The following PALM2AKAP2 variants were observed in gnomAD, a reference collection of about 807,000 sequenced individuals.
PALM2AKAP2 encodes the protein PALM2-AKAP2 fusion protein.
Under a neutral mutation model 71.5 loss-of-function variants are expected in PALM2AKAP2, and 37 were observed. That is an observed-to-expected ratio of 0.52 (90% confidence interval 0.40 to 0.68). PALM2AKAP2 has a LOEUF of 0.68. Ranked by LOEUF, PALM2AKAP2 falls within the 30% of genes least tolerant of loss-of-function variation. PALM2AKAP2 has a pLI of 0.00. For synonymous variants in PALM2AKAP2, 468 were observed against 478.8 expected, an observed-to-expected ratio of 0.98 and a Z score of 0.29; for missense variants, 1,224 against 1,191.8, an observed-to-expected ratio of 1.03 and a Z score of -0.40.
intron 6 of PALM2AKAP2, among the ~76,000 whole-genome samples, chr9:109,996,211 A>G (rs1832572463): frequency 6.6e-6 from 1 of 152,222 alleles, no homozygotes; most frequent in Non-Finnish European, 1.5e-5. Flanking sequence ...AATGTTAAAT[A>G]TGTTTCCAGC....
intron 1 of PALM2AKAP2, among the ~76,000 whole-genome samples, chr9:109,684,300 C>A (rs566364651): frequency 1.3e-5 from 2 of 152,306 alleles, no homozygotes; most frequent in East Asian, 3.9e-4. Flanking sequence ...TGGTGCTCAT[C>A]TCTGGCTATG....
intron 1 of PALM2AKAP2, among the ~76,000 whole-genome samples, chr9:110,050,071 A>G (rs1833680637): frequency 1.3e-5 from 2 of 152,204 alleles, no homozygotes; most frequent in South Asian, 4.1e-4. Context: ...TTGACATATC[A>G]CTACCCTTCC....
intron 3 of PALM2AKAP2, among the ~76,000 whole-genome samples, chr9:109,917,475 G>GCTCCTTTC (rs1830719467): frequency 6.8e-6 from 1 of 147,802 alleles, no homozygotes. Flanking sequence ...TTAAGCCAAC[G>GCTCCTTTC]CTCCTTTCCT....
At chr9:109,684,499 G>A (rs1827780979) in intron 1 of PALM2AKAP2, among the ~76,000 whole-genome samples, 1 of 152,060 alleles carries the variant, frequency 6.6e-6, no homozygotes, top group Non-Finnish European at 1.5e-5. Flanking sequence ...AAGGAAATAG[G>A]AGCTGTCACC....
intron 7 of PALM2AKAP2, among the ~76,000 whole-genome samples, chr9:110,035,857 T>C (rs1486737309): frequency 7.2e-6 from 1 of 139,526 alleles, no homozygotes; most frequent in Non-Finnish European, 1.6e-5. Context: ...ATATGATATG[T>C]TGTGTGTTAT....
rs186339936 is a variant in PALM2AKAP2 at position 110,122,493 on chromosome 9, G to T, written c.157-13634G>T. Among the ~76,000 whole-genome samples the T allele has an allele frequency of 1.5e-3, 229 of 152,330 alleles. 1 individual carries two copies. Among genetic ancestry groups the T allele is most frequent in the Non-Finnish European group, 2.1e-3 (146 of 68,030 alleles). On this transcript the variant is annotated intron_variant, in intron 1 of 3. Coordinates refer to ENST00000374525, the Ensembl canonical transcript of PALM2AKAP2. ...CCAGCGGGATGACCCTAGGGGGTAGGTGGCTGCCATTGGCTGGGGTCTGCC... is the reference window on the plus strand; with the variant it reads ...CCAGCGGGATGACCCTAGGGGGTAGTTGGCTGCCATTGGCTGGGGTCTGCC...
chr9:110,146,195 G>A (rs1227692853), intron 2 of PALM2AKAP2, among the ~76,000 whole-genome samples: 4 of 152,026 alleles, frequency 2.6e-5, no homozygotes, highest in African/African-American at 4.8e-5. Context: ...GTGAGCCACC[G>A]CGTGCAGCCC....
chr9:109,786,537 C>T (rs1826971957), intron 1 of PALM2AKAP2, among the ~76,000 whole-genome samples: 2 of 152,178 alleles, frequency 1.3e-5, no homozygotes, highest in South Asian at 2.1e-4. Context: ...AAATCATTTG[C>T]GTGGTATATT....
At chr9:109,975,785 A>T (rs921387252) in intron 6 of PALM2AKAP2, among the ~76,000 whole-genome samples, 1 of 152,190 alleles carries the variant, frequency 6.6e-6, no homozygotes, top group Non-Finnish European at 1.5e-5. Flanking sequence ...ACCATCATAC[A>T]TTCCTTGCTA....
At chr9:109,918,138 T>A (rs1830738191) in intron 3 of PALM2AKAP2, among the ~76,000 whole-genome samples, 1 of 152,246 alleles carries the variant, frequency 6.6e-6, no homozygotes, top group African/African-American at 2.4e-5. Flanking sequence ...CCAAGAAGTC[T>A]CATGAGCAGA....
At chr9:109,867,204 G>C (rs953807471) in intron 1 of PALM2AKAP2, 10 of 404,752 alleles carry the variant, frequency 2.5e-5, no homozygotes, top group East Asian at 1.4e-4. Flanking sequence ...GTGTGTGTGT[G>C]TCTGTGTGTG....
At chr9:110,114,215 G>A (rs753959869) in intron 1 of PALM2AKAP2, among the ~76,000 whole-genome samples, 2 of 152,160 alleles carry the variant, frequency 1.3e-5, no homozygotes, top group East Asian at 1.9e-4. Context: ...CTAGCTTCTC[G>A]TGGTTGCTAG....
chr9:109,965,004 A>G (rs1323550895), intron 6 of PALM2AKAP2, among the ~76,000 whole-genome samples: 1 of 152,218 alleles, frequency 6.6e-6, no homozygotes, highest in Admixed American at 6.5e-5. Context: ...ACATTGACAG[A>G]GATAACACAT....
intron 6 of PALM2AKAP2, among the ~76,000 whole-genome samples, chr9:109,992,081 C>A (rs1176822360): frequency 6.6e-6 from 1 of 152,140 alleles, no homozygotes; most frequent in Admixed American, 6.5e-5. Context: ...TTAATTTCTT[C>A]TCTCACAGTT....
intron 6 of PALM2AKAP2, among the ~76,000 whole-genome samples, chr9:109,997,840 G>A (rs1010082295): frequency 5.3e-5 from 8 of 152,190 alleles, no homozygotes; most frequent in East Asian, 1.9e-4. Flanking sequence ...CTTCAAACCC[G>A]GGGCAGAGCT....
At chr9:109,773,312 T>A (rs938064275) in intron 1 of PALM2AKAP2, among the ~76,000 whole-genome samples, 8 of 152,046 alleles carry the variant, frequency 5.3e-5, no homozygotes, top group African/African-American at 1.9e-4. Flanking sequence ...ATTTAAATTT[T>A]TTTTTGTAGA....
chr9:109,874,415 C>G (rs1312057765), intron 2 of PALM2AKAP2, among the ~76,000 whole-genome samples: 7 of 152,224 alleles, frequency 4.6e-5, no homozygotes, highest in Non-Finnish European at 1.0e-4. Flanking sequence ...CTACAGCTCA[C>G]TCGGTGTGAT....
At chr9:110,013,396 C>T (rs1832919403) in intron 6 of PALM2AKAP2, among the ~76,000 whole-genome samples, 1 of 152,192 alleles carries the variant, frequency 6.6e-6, no homozygotes, top group Admixed American at 6.5e-5. Context: ...ACATCTGTGT[C>T]TCTCTGCCAG....
intron 6 of PALM2AKAP2, among the ~76,000 whole-genome samples, chr9:110,003,319 A>G (rs1038795750): frequency 6.6e-6 from 1 of 152,076 alleles, no homozygotes; most frequent in Non-Finnish European, 1.5e-5. Flanking sequence ...CAGGTTGTTC[A>G]GTTTCCATGT....
Sources: gnomAD v4.1 joint callset for allele counts (sites outside exome capture counted in the v4.1 genomes callset) on GRCh38, gnomAD v4.1.1 for gene constraint, MANE v1.5 for transcripts, NCBI Gene and HGNC (gene_info 2026-07-23, HGNC 2026-07-21) for gene names.